EXD3: variants seen among roughly 807,000 people sequenced by gnomAD.
EXD3 encodes exonuclease mut-7 homolog.
Under a neutral mutation model 98.0 loss-of-function variants are expected in EXD3, and 92 were observed. The observed-to-expected ratio is 0.94, with a 90% CI of 0.79 to 1.12. The LOEUF (loss-of-function observed/expected upper bound fraction) is 1.12, where lower values mean the gene tolerates loss of function less well. Among genes scored for constraint, EXD3 ranks in the 50% most tolerant of loss-of-function variants. The pLI is 0.00. For missense variants in EXD3, 1,222 were observed against 1,191.6 expected, an observed-to-expected ratio of 1.03 and a Z score of -0.38; for synonymous variants, 569 against 526.0, an observed-to-expected ratio of 1.08 and a Z score of -1.12.
At chr9:137,307,411 C>T (rs190443628) in intron 21 of EXD3, 148 bp from the exon 22 acceptor site, 36 of 1,329,544 alleles carry the variant, frequency 2.7e-5, no homozygotes, top group Middle Eastern at 2.7e-4. Flanking sequence ...GCTGACTCTG[C>T]GTCCTCCACT....
At chr9:137,309,516 C>A in intron 20 of EXD3, 91 bp downstream of exon 20, 2 of 1,072,514 alleles carry the variant, frequency 1.9e-6, no homozygotes, top group Admixed American at 2.1e-5. Flanking sequence ...AAGCTCAGTG[C>A]TGGACGGGCC....
Position 137,420,746 on chromosome 9 carries a change from C to CCA in EXD3, c.-48+2367_-48+2368insTG, listed in dbSNP as rs1554743374. On this transcript the variant is annotated intron_variant, in intron 1 of 21. Transcript: ENST00000340951. ...TGGAGGACAGACATTCACCCCCCCC[C>CCA]CCAAATTCATACAGGTATTATACAT... Among the ~76,000 whole-genome samples the CCA allele has an allele frequency of 1.4e-4, 20 of 147,890 alleles. 1 individual carries two copies. The highest frequency in any genetic ancestry group is 2.7e-4 in the African/African-American group (11 of 40,590).
chr9:137,319,822 G>A (rs1338289254), intron 19 of EXD3, among the ~76,000 whole-genome samples: 1 of 152,160 alleles, frequency 6.6e-6, no homozygotes, highest in Non-Finnish European at 1.5e-5. Flanking sequence ...TGGCCCCATC[G>A]CACTGGCCCT....
At chr9:137,313,282 C>T (rs1831463453) in intron 19 of EXD3, among the ~76,000 whole-genome samples, 1 of 152,116 alleles carries the variant, frequency 6.6e-6, no homozygotes, top group African/African-American at 2.4e-5. Flanking sequence ...TCTGCTCCTC[C>T]AAGAGACTGG....
At chr9:137,379,062 G>T (rs112092149) in intron 3 of EXD3, among the ~76,000 whole-genome samples, 3 of 107,234 alleles carry the variant, frequency 2.8e-5, no homozygotes, top group Non-Finnish European at 5.6e-5. Flanking sequence ...GGGCGTCTGT[G>T]TGAGGGGTAC....
chr9:137,373,310 C>T (rs1008157099), intron 4 of EXD3, 116 bp downstream of exon 4: 1 of 1,305,414 alleles, frequency 7.7e-7, no homozygotes, highest in Admixed American at 2.3e-5. Flanking sequence ...CATCCCCCTC[C>T]CCTTCCCTGG....
chr9:137,418,943 G>A (rs942318598), intron 1 of EXD3, among the ~76,000 whole-genome samples: 2 of 152,166 alleles, frequency 1.3e-5, no homozygotes, highest in Admixed American at 6.5e-5. Context: ...ACAGTGACCT[G>A]TGGTCCTATT....
intron 12 of EXD3, 116 bp downstream of exon 12, chr9:137,351,950 G>A: frequency 1.5e-6 from 2 of 1,341,818 alleles, no homozygotes; most frequent in Admixed American, 4.7e-5. Flanking sequence ...GGGGCACCTG[G>A]CGGGCTCATG....
At chr9:137,416,338 C>T (rs1362167230) in intron 1 of EXD3, among the ~76,000 whole-genome samples, 2 of 152,226 alleles carry the variant, frequency 1.3e-5, no homozygotes, top group East Asian at 3.8e-4. Context: ...GGGGCCCTCA[C>T]GACCTATCTC....
intron 17 of EXD3, among the ~76,000 whole-genome samples, chr9:137,344,928 C>T (rs189978022): frequency 6.6e-6 from 1 of 152,060 alleles, no homozygotes; most frequent in African/African-American, 2.4e-5. Flanking sequence ...CCATAAGCAG[C>T]AGAAACAGGC....
At chr9:137,316,815 C>T (rs1354771192) in intron 19 of EXD3, among the ~76,000 whole-genome samples, 2 of 152,176 alleles carry the variant, frequency 1.3e-5, no homozygotes, top group African/African-American at 4.8e-5. Flanking sequence ...CCTGGGAGCC[C>T]CGCCCCGCAC....
chr9:137,307,054 A>G lies in EXD3; in HGVS notation c.2527T>C (p.Ser843Pro). 6.2e-7 allele frequency: 1 copy of G among 1,611,604 alleles called. No homozygotes were observed. The highest frequency in any genetic ancestry group is 8.5e-7 in the Non-Finnish European group (1 of 1,179,494). ...TGCGKVFWDG[S>P]HLGRVATHFR... ...TGGGTGGCAACACGACCCAGGTGGGAGCCGTCCCAGAAGACCTTTCCACAG... is the reference window on the plus strand; with the variant it reads ...TGGGTGGCAACACGACCCAGGTGGGGGCCGTCCCAGAAGACCTTTCCACAG... The change falls in exon 22 of 22, where the codon TCC becomes CCC. Residue 843 changes from serine to proline, a missense_variant. Coordinates refer to ENST00000340951, the MANE Select transcript of EXD3 (RefSeq NM_017820.5).
intron 19 of EXD3, among the ~76,000 whole-genome samples, chr9:137,322,337 C>T (rs1345882538): frequency 6.6e-6 from 1 of 152,036 alleles, no homozygotes; most frequent in East Asian, 1.9e-4. Flanking sequence ...GACGCCTCAC[C>T]CTGGACCAGG....
chr9:137,319,810 C>T (rs1831929134), intron 19 of EXD3, among the ~76,000 whole-genome samples: 1 of 152,208 alleles, frequency 6.6e-6, no homozygotes, highest in South Asian at 2.1e-4. Flanking sequence ...TTCTTGCTCT[C>T]CTGGCCCCAT....
chr9:137,359,862 T>G (rs1431472791), intron 7 of EXD3, among the ~76,000 whole-genome samples: 3 of 86,506 alleles, frequency 3.5e-5, no homozygotes, highest in African/African-American at 9.6e-5. Context: ...TAAGCTGCCA[T>G]GACTGCGATC....
chr9:137,404,905 G>A (rs779511080), intron 1 of EXD3, among the ~76,000 whole-genome samples: 75 of 150,090 alleles, frequency 5.0e-4, no homozygotes, highest in Non-Finnish European at 5.6e-4. Context: ...TCCTGGCCAC[G>A]CCTGTCTCCT....
intron 17 of EXD3, among the ~76,000 whole-genome samples, chr9:137,337,978 A>G (rs968140555): frequency 1.9e-4 from 29 of 151,908 alleles, no homozygotes; most frequent in Non-Finnish European, 4.0e-4. Flanking sequence ...TAGTACAGAC[A>G]GGGTTTCACT....
chr9:137,317,376 C>T (rs947115433), intron 19 of EXD3, among the ~76,000 whole-genome samples: 1 of 152,180 alleles, frequency 6.6e-6, no homozygotes, highest in Non-Finnish European at 1.5e-5. Flanking sequence ...CCCATCCCAT[C>T]CATCCAGGCT....
intron 17 of EXD3, among the ~76,000 whole-genome samples, chr9:137,344,106 T>C (rs1833800901): frequency 1.3e-5 from 2 of 151,604 alleles, no homozygotes; most frequent in South Asian, 4.2e-4. Flanking sequence ...TTAGCCAGGA[T>C]GGTCTCGATC....
Sources: allele counts gnomAD v4.1 joint callset (sites outside exome capture counted in the v4.1 genomes callset), GRCh38; gene constraint gnomAD v4.1.1; transcripts MANE v1.5; gene names NCBI Gene and HGNC (gene_info 2026-07-23, HGNC 2026-07-21).